The following SATL1 variants were observed in gnomAD, a reference collection of about 807,000 sequenced individuals.
SATL1 encodes spermidine/spermine N(1)-acetyltransferase-like protein 1.
SATL1 carries 47 observed loss-of-function variants against 51.8 expected under a neutral mutation model. The observed-to-expected ratio is 0.91, with a 90% CI of 0.72 to 1.16. The LOEUF (loss-of-function observed/expected upper bound fraction) is 1.16, where lower values mean the gene tolerates loss of function less well. Among genes scored for constraint, SATL1 ranks in the 50% most tolerant of loss-of-function variants. SATL1 has a pLI of 0.00. For synonymous variants in SATL1, 176 were observed against 182.4 expected (o/e 0.97, Z 0.28); for missense variants, 520 against 526.4 (o/e 0.99, Z 0.12).
rs1927159748 is a variant in SATL1 at position 85,179,719 on chromosome X, G to C, written c.-313+44486C>G. Among the ~76,000 whole-genome samples the C allele has an allele frequency of 2.7e-5, 3 of 110,390 alleles. No homozygotes were observed. The Admixed American group carries it at 2.9e-4, about 11-fold the overall frequency. On this transcript the variant is annotated intron_variant, in intron 2 of 7. Coordinates refer to ENST00000644105, the MANE Select transcript of SATL1 (RefSeq NM_001367857.2). ...AGGATATCTATAAAATAGGACTTCT[G>C]TTTTAATTTTCAACACTGCCCTGCA...
At chrX:85,151,757 T>C (rs1383475515) in intron 2 of SATL1, among the ~76,000 whole-genome samples, 4 of 111,643 alleles carry the variant, frequency 3.6e-5, no homozygotes, top group African/African-American at 1.3e-4. Context: ...GAAAACTGGC[T>C]AGCCATATGT....
At chrX:85,216,534 T>G in intron 2 of SATL1, among the ~76,000 whole-genome samples, 1 of 111,304 alleles carries the variant, frequency 9.0e-6, no homozygotes, top group South Asian at 3.9e-4. Flanking sequence ...TCCTACCCTT[T>G]TCCTTGCTAG....
intron 2 of SATL1, among the ~76,000 whole-genome samples, chrX:85,167,456 T>A (rs1376963747): frequency 9.0e-6 from 1 of 111,025 alleles, no homozygotes. Flanking sequence ...AAATGAGATA[T>A]TACCACTGAT....
chrX:85,102,238 C>T (rs762549208), intron 4 of SATL1, among the ~76,000 whole-genome samples: 292 of 100,032 alleles, frequency 2.9e-3, no homozygotes, highest in African/African-American at 0.01. Flanking sequence ...CCCCCCTCCC[C>T]CCACCCCACA....
intron 2 of SATL1, among the ~76,000 whole-genome samples, chrX:85,146,960 C>G (rs1353323665): frequency 1.8e-5 from 2 of 112,591 alleles, no homozygotes; most frequent in African/African-American, 6.5e-5. Context: ...GAGTACCAGA[C>G]AGTGGGCGCA....
At chrX:85,122,024 A>T (rs1925520192) in intron 2 of SATL1, among the ~76,000 whole-genome samples, 1 of 85,786 alleles carries the variant, frequency 1.2e-5, no homozygotes, top group South Asian at 4.8e-4. Context: ...CTAAATAGGT[A>T]AAAAAAAAAA....
rs950293860 is a variant in SATL1 at position 85,235,495 on chromosome X, AC to A, written c.-435+8092del. Among the ~76,000 whole-genome samples the A allele has an allele frequency of 4.5e-5, 5 of 111,613 alleles. No individual in the cohort carries two copies. In the Admixed American group the frequency reaches 4.8e-4, roughly 11 times the overall value. ...AAAATTATATCAAGTATCTTTTCTG[AC>A]CACAATAGAATAAAACTAGAAATTA... On this transcript the variant is annotated intron_variant, in intron 1 of 7. Transcript: ENST00000644105.
At chrX:85,180,760 A>G in intron 2 of SATL1, among the ~76,000 whole-genome samples, 1 of 111,320 alleles carries the variant, frequency 9.0e-6, no homozygotes, top group Non-Finnish European at 1.9e-5. Context: ...CAAAGTTAAC[A>G]GCAGAGCAGC....
intron 2 of SATL1, among the ~76,000 whole-genome samples, chrX:85,134,846 G>C (rs1201869153): frequency 1.8e-5 from 2 of 111,699 alleles, no homozygotes; most frequent in African/African-American, 3.3e-5. Context: ...GTAGGTGGTA[G>C]CTAGATCTTG....
At chrX:85,122,613 G>A (rs1002524) in intron 2 of SATL1, among the ~76,000 whole-genome samples, 15,577 of 109,272 alleles carry the variant, frequency 0.14, 1,709 homozygotes, top group African/African-American at 0.37. Context: ...ATAAATAAGT[G>A]TACAAAAAAA....
At chrX:85,212,423 G>C (rs918216726) in intron 2 of SATL1, among the ~76,000 whole-genome samples, 1 of 111,498 alleles carries the variant, frequency 9.0e-6, no homozygotes, top group African/African-American at 3.2e-5. Context: ...AAAGAACACA[G>C]AAAATATTCC....
At chrX:85,217,290 C>T (rs1402135665) in intron 2 of SATL1, among the ~76,000 whole-genome samples, 2 of 110,843 alleles carry the variant, frequency 1.8e-5, no homozygotes, top group Admixed American at 1.9e-4. Context: ...TTATAGCCAC[C>T]AAAAGCAAAG....
chrX:85,180,538 G>A (rs1226145672), intron 2 of SATL1, among the ~76,000 whole-genome samples: 1 of 111,550 alleles, frequency 9.0e-6, no homozygotes, highest in African/African-American at 3.3e-5. Context: ...ATAATCTTAT[G>A]GAACAAGCAT....
At chrX:85,170,714 T>A (rs1926954324) in intron 2 of SATL1, among the ~76,000 whole-genome samples, 1 of 111,721 alleles carries the variant, frequency 9.0e-6, no homozygotes, top group African/African-American at 3.2e-5. Flanking sequence ...CAAACATTGA[T>A]TTGGATAAAT....
intron 2 of SATL1, among the ~76,000 whole-genome samples, chrX:85,160,790 G>C (rs1372304821): frequency 1.8e-5 from 2 of 111,443 alleles, no homozygotes; most frequent in East Asian, 5.6e-4. Context: ...CCTCAACCTA[G>C]CAAGAGAGGC....
At chrX:85,116,494 G>C (rs978259029) in intron 2 of SATL1, among the ~76,000 whole-genome samples, 2 of 111,565 alleles carry the variant, frequency 1.8e-5, no homozygotes, top group Non-Finnish European at 3.8e-5. Flanking sequence ...TTTAGCACTC[G>C]GGAGGGGCTG....
Position 85,145,257 on chromosome X carries a change from T to C in SATL1, c.-312-35977A>G, listed in dbSNP as rs141795818. ...CCAGTATTTATGTTGACCCTATCTTTGGGTACTGTGCATCTTGTCAAATTT... is the reference window on the plus strand; with the variant it reads ...CCAGTATTTATGTTGACCCTATCTTCGGGTACTGTGCATCTTGTCAAATTT... On this transcript the variant is annotated intron_variant, in intron 2 of 7. Transcript: ENST00000644105. Among the ~76,000 whole-genome samples the C allele has an allele frequency of 3.3e-3, 367 of 111,390 alleles. 2 individuals are homozygous for C. The highest frequency in any genetic ancestry group is 0.011 in the African/African-American group (347 of 30,666).
At chrX:85,126,827 T>A (rs1244687571) in intron 2 of SATL1, among the ~76,000 whole-genome samples, 1 of 108,976 alleles carries the variant, frequency 9.2e-6, no homozygotes, top group Non-Finnish European at 1.9e-5. Context: ...ATTCCTTTCA[T>A]CACAAGTTTT....
At position 85,135,549 on chromosome X, in the gene SATL1, T is replaced by TA. The variant is rs372026634; in HGVS notation, c.-312-26270dup. ...TAAAATAAAATGCATTTGCTTTCAT[T>TA]AAAAAAAAAAGAGTGAGATAAATCT... is the stretch of plus-strand genomic sequence containing the variant. On this transcript the variant is annotated intron_variant, in intron 2 of 7. Transcript: ENST00000644105. 1.7e-3 allele frequency among the ~76,000 whole-genome samples: 182 copies of TA among 105,402 alleles called. 1 individual carries two copies. Among genetic ancestry groups the TA allele is most frequent in the African/African-American group, 5.7e-3 (162 of 28,303 alleles). The allele number at this position is 105,402 out of a possible 115,157, so 91.5% of individuals were successfully genotyped here.
Sources: gnomAD v4.1 joint callset for allele counts (sites outside exome capture counted in the v4.1 genomes callset) on GRCh38, gnomAD v4.1.1 for gene constraint, MANE v1.5 for transcripts, NCBI Gene and HGNC (gene_info 2026-07-23, HGNC 2026-07-21) for gene names.